Variants in PTPRD observed in about 807,000 individuals in gnomAD.
PTPRD encodes receptor-type tyrosine-protein phosphatase delta.
In PTPRD, 34 loss-of-function variants were observed where a neutral mutation model predicts 214.5. The observed-to-expected ratio is 0.16, with a 90% confidence interval of 0.12 to 0.21. PTPRD has a LOEUF of 0.21. Among genes scored for constraint, PTPRD ranks in the 10% least tolerant of loss-of-function variants. The pLI is 1.00. For synonymous variants in PTPRD, 1,128 were observed against 845.7 expected, an observed-to-expected ratio of 1.33 and a Z score of -5.79; for missense variants, 2,545 against 2,398.7, an observed-to-expected ratio of 1.06 and a Z score of -1.27.
intron 9 of PTPRD, among the ~76,000 whole-genome samples, chr9:9,186,453 T>C (rs779890955): frequency 2.6e-5 from 4 of 151,958 alleles, no homozygotes; most frequent in Non-Finnish European, 5.9e-5. Flanking sequence ...CTACAAAAAA[T>C]ACAGAAAGCT....
At chr9:9,806,270 G>A (rs1183470139) in intron 5 of PTPRD, among the ~76,000 whole-genome samples, 1 of 150,012 alleles carries the variant, frequency 6.7e-6, no homozygotes, top group Non-Finnish European at 1.5e-5. Context: ...GTTGTAGACA[G>A]TGCCAAAAAA....
intron 3 of PTPRD, among the ~76,000 whole-genome samples, chr9:10,138,236 A>G (rs2098956373): frequency 6.6e-6 from 1 of 152,038 alleles, no homozygotes; most frequent in African/African-American, 2.4e-5. Flanking sequence ...AATACAAAAG[A>G]TCCTCAAAGG....
rs547617929 is a variant in PTPRD at position 8,762,906 on chromosome 9, G to GCATC, written c.-103-28964_-103-28961dup. Among the ~76,000 whole-genome samples, 51 of 152,272 alleles carry GCATC rather than the reference G, an allele frequency of 3.3e-4. No individual in the cohort carries two copies. In the East Asian group the frequency reaches 9.5e-3, roughly 28 times the overall value. On this transcript the variant is annotated intron_variant, in intron 11 of 45. Transcript: ENST00000381196. ...TTGGGAAAGAGGGTAACTGGAACAT[G>GCATC]CATCGCCTACTCATCTCCCAGCATG...
chr9:8,967,567 C>G lies in PTPRD; in HGVS notation c.-104+51130G>C, dbSNP rs570838339. Among the ~76,000 whole-genome samples the G allele has an allele frequency of 3.3e-5, 5 of 151,638 alleles. No individual in the cohort carries two copies. In the East Asian group the frequency reaches 9.8e-4, roughly 30 times the overall value. ...CCATTATCCTAAGCGAATTAACACA[C>G]CAAATCAATCTTGGAGGTCAATAAC... On this transcript the variant is annotated intron_variant, in intron 11 of 45. Coordinates refer to ENST00000381196, the MANE Select transcript of PTPRD (RefSeq NM_002839.4).
At chr9:8,948,452 TTTATATATATATTTAC>T (rs1215161308) in intron 11 of PTPRD, among the ~76,000 whole-genome samples, 3 of 20,250 alleles carry the variant, frequency 1.5e-4, no homozygotes, top group Non-Finnish European at 2.1e-4. Flanking sequence ...TATATATATA[TTTATATATATATTTAC>T]ATATATATAT....
At chr9:9,927,330 C>T (rs1312536729) in intron 5 of PTPRD, among the ~76,000 whole-genome samples, 1 of 152,094 alleles carries the variant, frequency 6.6e-6, no homozygotes, top group Non-Finnish European at 1.5e-5. Context: ...TCCATTATTA[C>T]TACCCTTTAT....
chr9:9,857,238 G>T (rs1181856944), intron 5 of PTPRD, among the ~76,000 whole-genome samples: 1 of 152,134 alleles, frequency 6.6e-6, no homozygotes, highest in African/African-American at 2.4e-5. Flanking sequence ...TCATGTTTTT[G>T]TCTTTCCCCT....
intron 11 of PTPRD, among the ~76,000 whole-genome samples, chr9:8,868,274 C>A (rs562524674): frequency 1.3e-5 from 2 of 152,334 alleles, no homozygotes; most frequent in South Asian, 2.1e-4. Flanking sequence ...ATCTCAGCTA[C>A]TGCAACCTCT....
chr9:8,812,844 GA>G (rs2154523301), intron 11 of PTPRD, among the ~76,000 whole-genome samples: 1 of 151,742 alleles, frequency 6.6e-6, no homozygotes, highest in East Asian at 1.9e-4. Context: ...ACATCTTAAG[GA>G]AAACAGTCTT....
chr9:9,746,634 A>G (rs1339827491), intron 6 of PTPRD, among the ~76,000 whole-genome samples: 1 of 152,122 alleles, frequency 6.6e-6, no homozygotes, highest in East Asian at 1.9e-4. Flanking sequence ...GCCATTAGGG[A>G]TTCTGAGAAG....
intron 2 of PTPRD, among the ~76,000 whole-genome samples, chr9:10,497,868 T>A (rs1412707213): frequency 6.6e-6 from 1 of 152,034 alleles, no homozygotes; most frequent in African/African-American, 2.4e-5. Flanking sequence ...AAAAACAGTA[T>A]TAATAGTAAA....
At chr9:9,606,317 A>C (rs2094150230) in intron 7 of PTPRD, among the ~76,000 whole-genome samples, 1 of 151,998 alleles carries the variant, frequency 6.6e-6, no homozygotes, top group Non-Finnish European at 1.5e-5. Flanking sequence ...GCATATTATC[A>C]TTTTCTGGTT....
chr9:8,720,240 G>A (rs1424984480), intron 12 of PTPRD, among the ~76,000 whole-genome samples: 2 of 152,160 alleles, frequency 1.3e-5, no homozygotes, highest in African/African-American at 4.8e-5. Flanking sequence ...TGGGCTGGCT[G>A]AGTATTTCTC....
At chr9:9,356,540 G>T (rs935565885) in intron 9 of PTPRD, among the ~76,000 whole-genome samples, 1 of 151,278 alleles carries the variant, frequency 6.6e-6, no homozygotes, top group South Asian at 2.1e-4. Flanking sequence ...ACTAAATAAG[G>T]CCAGCTTTTA....
At chr9:8,999,684 G>C (rs140151175) in intron 11 of PTPRD, among the ~76,000 whole-genome samples, 31 of 152,012 alleles carry the variant, frequency 2.0e-4, no homozygotes, top group African/African-American at 7.2e-4. Context: ...TGTTAACATG[G>C]CTGGGAATAT....
At chr9:9,817,712 T>C (rs528240484) in intron 5 of PTPRD, among the ~76,000 whole-genome samples, 2 of 152,262 alleles carry the variant, frequency 1.3e-5, no homozygotes, top group South Asian at 4.1e-4. Flanking sequence ...TCTGTGATGA[T>C]TACAGAGAGA....
chr9:10,339,419 T>A (rs2096900202), intron 3 of PTPRD, among the ~76,000 whole-genome samples: 1 of 151,616 alleles, frequency 6.6e-6, no homozygotes, highest in Non-Finnish European at 1.5e-5. Flanking sequence ...TCATCTGAAG[T>A]GCAAATTTAA....
intron 2 of PTPRD, among the ~76,000 whole-genome samples, chr9:10,379,012 T>C (rs2097775373): frequency 1.3e-5 from 2 of 152,022 alleles, no homozygotes; most frequent in Admixed American, 1.3e-4. Flanking sequence ...TTTATAGTTT[T>C]CATTATAGAG....
intron 9 of PTPRD, among the ~76,000 whole-genome samples, chr9:9,242,063 T>TTGCTTGTC (rs1298702080): frequency 1.3e-5 from 2 of 152,096 alleles, no homozygotes; most frequent in East Asian, 3.9e-4. Flanking sequence ...CTCTCAGCAT[T>TTGCTTGTC]TGCTTGTCTG....
Sources: gnomAD v4.1 joint callset for allele counts (sites outside exome capture counted in the v4.1 genomes callset) on GRCh38, gnomAD v4.1.1 for gene constraint, MANE v1.5 for transcripts, NCBI Gene and HGNC (gene_info 2026-07-23, HGNC 2026-07-21) for gene names.